NDUFB6: variants seen among roughly 807,000 people sequenced by gnomAD.
The protein encoded by NDUFB6 is NADH dehydrogenase [ubiquinone] 1 beta subcomplex subunit 6.
A neutral mutation model predicts 17.5 loss-of-function variants in NDUFB6; 23 were observed. That is an observed-to-expected ratio of 1.31 (90% CI 0.94 to 1.86). The LOEUF (loss-of-function observed/expected upper bound fraction) is 1.86. NDUFB6 is among the 40% of genes most tolerant of loss of function. NDUFB6 has a pLI of 0.00. For missense variants in NDUFB6, 167 were observed against 153.8 expected, an observed-to-expected ratio of 1.09 and a Z score of -0.46; for synonymous variants, 60 against 53.5, an observed-to-expected ratio of 1.12 and a Z score of -0.53.
intron 3 of NDUFB6, among the ~76,000 whole-genome samples, chr9:32,558,084 A>G (rs971423267): frequency 7.2e-5 from 11 of 151,918 alleles, no homozygotes; most frequent in Admixed American, 6.6e-4. Flanking sequence ...CTCATTTCAA[A>G]TTAGTACTAT....
intron 3 of NDUFB6, among the ~76,000 whole-genome samples, 159 bp downstream of exon 3, chr9:32,558,751 T>TG (rs1444533441): frequency 6.6e-6 from 1 of 152,082 alleles, no homozygotes; most frequent in African/African-American, 2.4e-5. Context: ...TTCCTGTTTT[T>TG]TTTTGTTTTG....
At chr9:32,568,748 A>ATTTTTT (rs869080203) in intron 2 of NDUFB6, 5 of 114,364 alleles carry the variant, frequency 4.4e-5, no homozygotes, top group African/African-American at 1.6e-4. Context: ...ATATATATAT[A>ATTTTTT]TTTTTTTTTT....
At chr9:32,560,979 G>T (rs1441586242) in intron 2 of NDUFB6, among the ~76,000 whole-genome samples, 2 of 152,172 alleles carry the variant, frequency 1.3e-5, no homozygotes, top group Non-Finnish European at 2.9e-5. Context: ...AACTTTCACT[G>T]ACAGAAAGTA....
chr9:32,572,431 G>A (rs984350385), intron 1 of NDUFB6, among the ~76,000 whole-genome samples: 9 of 152,178 alleles, frequency 5.9e-5, no homozygotes, highest in Non-Finnish European at 1.0e-4. Context: ...ATCACATGGG[G>A]CTGTACTATC....
Position 32,559,804 on chromosome 9 carries a change from T to C in NDUFB6, c.274-850A>G, listed in dbSNP as rs113189501. On this transcript the variant is annotated intron_variant, in intron 2 of 3. Coordinates refer to ENST00000379847, the MANE Select transcript of NDUFB6 (RefSeq NM_002493.5). Reference sequence around the variant, plus strand: ...ATATACCTCTTTGTTTATATATTTATTACCAGTCTCTAAAACTAAACATTT... The same window carrying C: ...ATATACCTCTTTGTTTATATATTTACTACCAGTCTCTAAAACTAAACATTT... Among the ~76,000 whole-genome samples, 78 of 152,328 alleles carry C rather than the reference T, an allele frequency of 5.1e-4. 2 individuals carry two copies. The highest frequency in any genetic ancestry group is 1.8e-3 in the African/African-American group (76 of 41,568).
At chr9:32,572,733 C>T in intron 1 of NDUFB6, 148 bp downstream of exon 1, 1 of 644,320 alleles carries the variant, frequency 1.6e-6, no homozygotes. Context: ...CCTCCCGAGA[C>T]TCCAGGAGGA....
At position 32,553,275 on chromosome 9, in the gene NDUFB6, G is replaced by T; in HGVS notation, c.*601C>A. Reference sequence around the variant, plus strand: ...ACTATCTCGGCTTACTGCAAGCTCCGCCTTCTGGGTTCACACCAATCTCGT... The same window carrying T: ...ACTATCTCGGCTTACTGCAAGCTCCTCCTTCTGGGTTCACACCAATCTCGT... On this transcript the variant is annotated 3_prime_UTR_variant, in exon 4 of 4. Transcript: ENST00000379847. 5.3e-6 allele frequency: 1 copy of T among 188,100 alleles called. No homozygotes were observed. The highest frequency in any genetic ancestry group is 1.1e-5 in the Non-Finnish European group (1 of 89,826). The allele number at this position is 188,100 out of a possible 1,614,324, so 11.7% of individuals were successfully genotyped here.
intron 2 of NDUFB6, among the ~76,000 whole-genome samples, chr9:32,570,348 A>C (rs1187776399): frequency 1.3e-5 from 2 of 152,142 alleles, no homozygotes; most frequent in Non-Finnish European, 2.9e-5. Flanking sequence ...CAGGCTACGC[A>C]GTCACCACTG....
rs910681974 is a variant in NDUFB6 at position 32,572,942 on chromosome 9, A to T, written c.119T>A (p.Met40Lys). Residue 40 changes from methionine to lysine, a missense_variant, in exon 1 of 4, where the codon ATG becomes AAG. Met to Lys is a moderately conservative substitution (Grantham distance 95). Coordinates refer to ENST00000379847, the MANE Select transcript of NDUFB6 (RefSeq NM_002493.5). Reference protein sequence around the residue: ...PREPVLPPQKMGPMEKFWNKF... With the variant: ...PREPVLPPQKKGPMEKFWNKF... ...ATTCCAGAATTTCTCCATAGGCCCC[A>T]TCTTCTGTGGGGGCAGCACCGGCTC... 6 of 1,609,290 alleles carry T rather than the reference A, an allele frequency of 3.7e-6. No homozygotes were observed. The highest frequency in any genetic ancestry group is 5.1e-6 in the Non-Finnish European group (6 of 1,177,524).
chr9:32,571,048 T>G lies in NDUFB6; in HGVS notation c.185A>C (p.His62Pro). 6 of 1,597,244 alleles carry G rather than the reference T, an allele frequency of 3.8e-6. No individual in the cohort carries two copies. Among genetic ancestry groups the G allele is most frequent in the Non-Finnish European group, 4.3e-6 (5 of 1,169,382 alleles). ...AAAGATACTCTTTTTGTATACCCCA[T>G]GGACCTGGGGGGAAAAACACATACA... ...ENKSPWRKMV[H>P]GVYKKSIFVF... is the part of the protein sequence containing the mutation. Residue 62 changes from histidine (H) to proline (P), a missense_variant, in exon 2 of 4, where the codon CAT becomes CCT. Transcript: ENST00000379847.
intron 2 of NDUFB6, among the ~76,000 whole-genome samples, chr9:32,560,413 T>C (rs1451136728): frequency 6.6e-6 from 1 of 152,198 alleles, no homozygotes; most frequent in Non-Finnish European, 1.5e-5. Context: ...AAAAATGTAG[T>C]TAAATTTAGA....
At chr9:32,559,289 C>A (rs1165748959) in intron 2 of NDUFB6, among the ~76,000 whole-genome samples, 1 of 152,172 alleles carries the variant, frequency 6.6e-6, no homozygotes, top group East Asian at 1.9e-4. Context: ...TACCCTGAAT[C>A]CAACTGGTTC....
At chr9:32,569,563 G>T (rs1251376122) in intron 2 of NDUFB6, among the ~76,000 whole-genome samples, 1 of 152,194 alleles carries the variant, frequency 6.6e-6, no homozygotes, top group Admixed American at 6.5e-5. Context: ...ACCTAGGCCA[G>T]AGTGCAGTGG....
At chr9:32,557,745 GGGATT>G (rs1821508150) in intron 3 of NDUFB6, among the ~76,000 whole-genome samples, 1 of 152,102 alleles carries the variant, frequency 6.6e-6, no homozygotes, top group Non-Finnish European at 1.5e-5. Context: ...CCAAAGTGCT[GGGATT>G]ACACGCGTGA....
chr9:32,554,792 G>T (rs1587633918), intron 3 of NDUFB6, among the ~76,000 whole-genome samples: 1 of 152,204 alleles, frequency 6.6e-6, no homozygotes, highest in South Asian at 2.1e-4. Flanking sequence ...TCAAGCTATA[G>T]GGCACTGGCT....
At chr9:32,567,657 T>G (rs67236328) in intron 2 of NDUFB6, 40,649 of 357,848 alleles carry the variant, frequency 0.11, 2,839 homozygotes, top group Middle Eastern at 0.25. Context: ...TATTAATATT[T>G]GTTATGGTAA....
chr9:32,566,431 T>A, intron 2 of NDUFB6: 1 of 838,448 alleles, frequency 1.2e-6, no homozygotes, highest in Non-Finnish European at 2.1e-6. Context: ...CCTGTTACTG[T>A]AGGGGTTGAT....
Position 32,573,063 on chromosome 9 carries a change from C to G in NDUFB6, c.-3G>C. ...TCATCCGGAGTGTACCCCGTCATGT[C>G]GCCGCTGGTACCAACGCAAAAGGAC... is the stretch of plus-strand genomic sequence containing the variant. On this transcript the variant is annotated 5_prime_UTR_variant, in exon 1 of 4. Transcript: ENST00000379847. 6.4e-7 allele frequency: 1 copy of G among 1,555,898 alleles called. No homozygotes were observed. Among genetic ancestry groups the G allele is most frequent in the Non-Finnish European group, 8.7e-7 (1 of 1,150,052 alleles).
intron 2 of NDUFB6, chr9:32,566,250 G>A (rs992650250): frequency 1.9e-6 from 2 of 1,034,920 alleles, no homozygotes; most frequent in African/African-American, 1.6e-5. Context: ...TCTTATGGCA[G>A]ACAACACTAA....
Sources: gnomAD v4.1 joint callset for allele counts (sites outside exome capture counted in the v4.1 genomes callset) on GRCh38, gnomAD v4.1.1 for gene constraint, MANE v1.5 for transcripts, NCBI Gene and HGNC (gene_info 2026-07-23, HGNC 2026-07-21) for gene names.